Variants in CXCL1 observed in about 807,000 individuals in gnomAD.
The protein encoded by CXCL1 is C-X-C motif chemokine ligand 1, also known as growth-regulated alpha protein.
Under a neutral mutation model 11.7 loss-of-function variants are expected in CXCL1, and 9 were observed. The observed-to-expected ratio is 0.77, with a 90% CI of 0.46 to 1.34. The LOEUF (loss-of-function observed/expected upper bound fraction) is 1.34. CXCL1 is among the 40% of genes most tolerant of loss of function. The pLI, the probability that CXCL1 is intolerant of heterozygous loss-of-function variation, is 0.00. For synonymous variants in CXCL1, 78 were observed against 59.1 expected (o/e 1.32, Z -1.47); for missense variants, 146 against 138.1 (o/e 1.06, Z -0.29).
chr4:73,870,439 C>G, intron 3 of CXCL1, 82 bp from the exon 4 acceptor site: 1 of 1,571,644 alleles, frequency 6.4e-7, no homozygotes, highest in Non-Finnish European at 8.7e-7. Flanking sequence ...ACTCTAGAGG[C>G]TGGAGGAGCA....
In CXCL1 at chr4:73,869,903, C is replaced by T. The variant is rs777698656; in HGVS notation, c.225-3C>T. 6.2e-7 allele frequency: 1 copy of T among 1,614,034 alleles called. No individual in the cohort carries two copies. Among genetic ancestry groups the T allele is most frequent in the East Asian group, 2.2e-5 (1 of 44,886 alleles). On this transcript the variant is annotated splice_polypyrimidine_tract_variant and splice_region_variant and intron_variant, in intron 2 of 3. Transcript: ENST00000395761. ...GCCTCACGAGATTCCCTTCCCTCTG[C>T]AGAGCCACACTCAAGAATGGGCGGA...
At chr4:73,870,319 C>T (rs1578148194) in intron 3 of CXCL1, 2 of 576,862 alleles carry the variant, frequency 3.5e-6, no homozygotes, top group Admixed American at 3.1e-5. Flanking sequence ...CGCCCCACCC[C>T]ACCCCCATTC....
intron 3 of CXCL1, chr4:73,870,256 C>G (rs1420568364): frequency 3.3e-6 from 2 of 613,984 alleles, no homozygotes; most frequent in Non-Finnish European, 5.7e-6. Flanking sequence ...CCCAGTAGGA[C>G]AAACAGCAAC....
rs186092967 is a variant in CXCL1, at chr4:73,869,752, G to A, written c.184G>A (p.Val62Met). ...CCCCAAGAACATCCAAAGTGTGAACGTGAAGTCCCCCGGACCCCACTGCGC... is the reference window on the plus strand; with the variant it reads ...CCCCAAGAACATCCAAAGTGTGAACATGAAGTCCCCCGGACCCCACTGCGC... ...IHPKNIQSVN[V>M]KSPGPHCAQT... is the part of the protein sequence containing the mutation. Residue 62 changes from valine to methionine, a missense_variant, in exon 2 of 4, where the codon GTG (valine) becomes ATG (methionine). Transcript: ENST00000395761. 6.9e-5 allele frequency: 112 copies of A among 1,613,912 alleles called. 3 individuals are homozygous for A. The highest frequency in any genetic ancestry group is 2.4e-5 in the Non-Finnish European group (28 of 1,180,002).
rs112154727 is a variant in CXCL1 at position 73,870,440 on chromosome 4, T to C, written c.309-81T>C. 5,923 of 1,576,976 alleles carry C rather than the reference T, an allele frequency of 3.8e-3. 218 individuals are homozygous for C. The African/African-American group carries it at 0.071, about 19-fold the overall frequency. ...ACTGCATTCGGAAAACTCTAGAGGC[T>C]GGAGGAGCAGGGCAGGAGAAGAGTG... On this transcript the variant is annotated intron_variant, in intron 3 of 3. Transcript: ENST00000395761.
chr4:73,870,336 G>C (rs541078304), intron 3 of CXCL1, among the ~76,000 whole-genome samples, 185 bp from the exon 4 acceptor site: 4 of 144,202 alleles, frequency 2.8e-5, no homozygotes, highest in Non-Finnish European at 6.1e-5. Context: ...ATTCCTAAAA[G>C]AGCATCCCAA....
chr4:73,869,592 TC>T (rs1731889927), intron 1 of CXCL1, 22 bp downstream of exon 1: 3 of 1,612,398 alleles, frequency 1.9e-6, no homozygotes, highest in Non-Finnish European at 2.5e-6. Context: ...CGCCCTGGGG[TC>T]CCCGGGCCGG....
chr4:73,869,751 C>G lies in CXCL1; in HGVS notation c.183C>G (p.Asn61Lys), dbSNP rs201293315. 8.6e-5 allele frequency: 139 copies of G among 1,614,116 alleles called. 2 individuals carry two copies. In the South Asian group the frequency reaches 9.3e-4, roughly 11 times the overall value. Residue 61 changes from asparagine (N) to lysine (K), a missense_variant, in exon 2 of 4, where the codon AAC becomes AAG. Coordinates refer to ENST00000395761, the MANE Select transcript of CXCL1 (RefSeq NM_001511.4). ...GIHPKNIQSV[N>K]VKSPGPHCAQ... ...ACCCCAAGAACATCCAAAGTGTGAA[C>G]GTGAAGTCCCCCGGACCCCACTGCG...
chr4:73,869,816 C>G (rs754911797), intron 2 of CXCL1, 24 bp downstream of exon 2: 2 of 1,613,754 alleles, frequency 1.2e-6, no homozygotes, highest in South Asian at 1.1e-5. Flanking sequence ...CGCGCTGCCT[C>G]TGCCACCGCC....
Position 73,869,959 on chromosome 4 carries a change from T to C in CXCL1, c.278T>C (p.Val93Ala). Residue 93 changes from valine (V) to alanine (A), a missense_variant, in exon 3 of 4, where the codon GTT becomes GCT. Transcript: ENST00000395761. ...TGCCTCAATCCTGCATCCCCCATAG[T>C]TAAGAAAATCATCGAAAAGATGCTG... The part of the protein sequence containing the change: ...KACLNPASPI[V>A]KKIIEKMLNS... 1.2e-6 allele frequency: 2 copies of C among 1,614,072 alleles called. No homozygotes were observed. Among genetic ancestry groups the C allele is most frequent in the Non-Finnish European group, 8.5e-7 (1 of 1,180,008 alleles).
Position 73,869,921 on chromosome 4 carries a change from T to A in CXCL1, c.240T>A (p.Asn80Lys), listed in dbSNP as rs1305874078. Residue 80 changes from asparagine to lysine, a missense_variant, in exon 3 of 4, where the codon AAT (asparagine) becomes AAA (lysine). Transcript: ENST00000395761. ...AQTEVIATLK[N>K]GRKACLNPAS... ...CCCTCTGCAGAGCCACACTCAAGAATGGGCGGAAAGCTTGCCTCAATCCTG... is the reference window on the plus strand; with the variant it reads ...CCCTCTGCAGAGCCACACTCAAGAAAGGGCGGAAAGCTTGCCTCAATCCTG... 6.2e-7 allele frequency: 1 copy of A among 1,614,078 alleles called. No individual in the cohort carries two copies. Among genetic ancestry groups the A allele is most frequent in the Non-Finnish European group, 8.5e-7 (1 of 1,180,014 alleles).
In CXCL1 at chr4:73,869,809, G is replaced by T. The variant is rs755773191; in HGVS notation, c.224+17G>T. 1.9e-5 allele frequency: 30 copies of T among 1,613,616 alleles called. No homozygotes were observed. The highest frequency in any genetic ancestry group is 2.4e-5 in the Non-Finnish European group (28 of 1,179,696). On this transcript the variant is annotated intron_variant, in intron 2 of 3. Coordinates refer to ENST00000395761, the MANE Select transcript of CXCL1 (RefSeq NM_001511.4). Reference sequence around the variant, plus strand: ...CGAAGTCATGTAAGTCCCGCCCCGCGCTGCCTCTGCCACCGCCGGGGTCCC... The same window carrying T: ...CGAAGTCATGTAAGTCCCGCCCCGCTCTGCCTCTGCCACCGCCGGGGTCCC...
chr4:73,870,508 T>A lies in CXCL1; in HGVS notation c.309-13T>A, dbSNP rs372905125. ...CCGAGCACCTACTCAGGGCACCCATTTTCTCATTGCAGTGACAAATCCAAC... is the reference window on the plus strand; with the variant it reads ...CCGAGCACCTACTCAGGGCACCCATATTCTCATTGCAGTGACAAATCCAAC... On this transcript the variant is annotated splice_polypyrimidine_tract_variant and intron_variant, in intron 3 of 3. Coordinates refer to ENST00000395761, the MANE Select transcript of CXCL1 (RefSeq NM_001511.4). The A allele has an allele frequency of 5.0e-6, 8 of 1,613,640 alleles. No homozygotes were observed. In the African/African-American group the frequency reaches 8.0e-5, roughly 16 times the overall value.
rs779431090 is a variant in CXCL1 at position 73,869,763 on chromosome 4, C to T, written c.195C>T (p.Pro65=). The change falls in exon 2 of 4, where the codon CCC becomes CCT. Residue 65 remains proline, a synonymous_variant. Coordinates refer to ENST00000395761, the MANE Select transcript of CXCL1 (RefSeq NM_001511.4). ...KNIQSVNVKS[P]GPHCAQTEVI... ...TCCAAAGTGTGAACGTGAAGTCCCC[C>T]GGACCCCACTGCGCCCAAACCGAAG... 1 of 1,614,056 alleles carries T rather than the reference C, an allele frequency of 6.2e-7. No individual in the cohort carries two copies. The highest frequency in any genetic ancestry group is 8.5e-7 in the Non-Finnish European group (1 of 1,179,974).
rs549189473 is a variant in CXCL1, at chr4:73,869,987, C to A, written c.306C>A (p.Asn102Lys). 2.5e-6 allele frequency: 4 copies of A among 1,613,962 alleles called. No homozygotes were observed. The highest frequency in any genetic ancestry group is 3.4e-6 in the Non-Finnish European group (4 of 1,179,958). Residue 102 changes from asparagine to lysine, a missense_variant and splice_region_variant, in exon 3 of 4, where the codon AAC becomes AAA. By Grantham distance (94) the Asn-to-Lys change is moderately conservative (BLOSUM62 0). Coordinates refer to ENST00000395761, the MANE Select transcript of CXCL1 (RefSeq NM_001511.4). ...AGAAAATCATCGAAAAGATGCTGAA[C>A]AGGTGAGTTATGGTTTCCATGTACA... is the stretch of plus-strand genomic sequence containing the variant. ...IVKKIIEKML[N>K]SDKSN
At chr4:73,869,606 G>A in intron 1 of CXCL1, 36 bp downstream of exon 1, 2 of 1,613,034 alleles carry the variant, frequency 1.2e-6, no homozygotes, top group Non-Finnish European at 1.7e-6. Flanking sequence ...CGGGCCGGAC[G>A]CGGCTGGGGT....
At chr4:73,870,306 CA>C in intron 3 of CXCL1, 1 of 588,170 alleles carries the variant, frequency 1.7e-6, no homozygotes. Flanking sequence ...CAGTGGAGAC[CA>C]CCGCCCCACC....
Position 73,869,498 on chromosome 4 carries a change from C to G in CXCL1, c.28C>G (p.Pro10Ala), listed in dbSNP as rs1731885404. The G allele has an allele frequency of 1.3e-6, 2 of 1,584,978 alleles. No individual in the cohort carries two copies. The highest frequency in any genetic ancestry group is 2.7e-5 in the African/African-American group (2 of 74,116). MARAALSAA[P>A]SNPRLLRVAL... The stretch of plus-strand genomic sequence containing the variant: ...GGCCCGCGCTGCTCTCTCCGCCGCC[C>G]CCAGCAATCCCCGGCTCCTGCGAGT... The change falls in exon 1 of 4, where the codon CCC becomes GCC. Residue 10 changes from proline (P) to alanine (A), a missense_variant. Coordinates refer to ENST00000395761, the MANE Select transcript of CXCL1 (RefSeq NM_001511.4).
At chr4:73,869,837 AC>A (rs1731901758) in intron 2 of CXCL1, 45 bp downstream of exon 2, 1 of 1,613,006 alleles carries the variant, frequency 6.2e-7, no homozygotes, top group Non-Finnish European at 8.5e-7. Flanking sequence ...GGGGTCCCAG[AC>A]CCTCCTGCTG....
Sources: gnomAD v4.1 joint callset for allele counts (sites outside exome capture counted in the v4.1 genomes callset) on GRCh38, gnomAD v4.1.1 for gene constraint, MANE v1.5 for transcripts, NCBI Gene and HGNC (gene_info 2026-07-23, HGNC 2026-07-21) for gene names.